Variants in MRE11 observed in about 807,000 individuals in gnomAD.
The protein encoded by MRE11 is double-strand break repair protein MRE11.
In MRE11, 62 loss-of-function variants were observed where a neutral mutation model predicts 91.7. That is an observed-to-expected ratio of 0.68 (90% confidence interval 0.55 to 0.84). The LOEUF is 0.84. Ranked by LOEUF, MRE11 falls within the 40% of genes least tolerant of loss-of-function variation. The probability of loss-of-function intolerance (pLI) is 0.00; values close to 1 mark genes in which losing one functional copy is unlikely to be tolerated. For missense variants in MRE11, 796 were observed against 852.9 expected, an observed-to-expected ratio of 0.93 and a Z score of 0.83; for synonymous variants, 273 against 271.4, an observed-to-expected ratio of 1.01 and a Z score of -0.06.
At chr11:94,471,369 T>C (rs777880991) in intron 8 of MRE11, among the ~76,000 whole-genome samples, 6 of 152,008 alleles carry the variant, frequency 3.9e-5, no homozygotes, top group Non-Finnish European at 5.9e-5. Context: ...ATAACACCAA[T>C]TGGATGCTCT....
At chr11:94,447,513 G>T in intron 14 of MRE11, 75 bp from the exon 15 acceptor site, 1 of 1,367,868 alleles carries the variant, frequency 7.3e-7, no homozygotes, top group Non-Finnish European at 1.0e-6. Context: ...TTTAGGCATT[G>T]ACATGAACTA....
intron 18 of MRE11, 80 bp from the exon 19 acceptor site, chr11:94,430,066 T>A: frequency 7.6e-7 from 1 of 1,315,704 alleles, no homozygotes; most frequent in Non-Finnish European, 1.1e-6. Flanking sequence ...AGTTTTTCAA[T>A]CCAGCAGCTG....
chr11:94,490,706 A>T, intron 3 of MRE11, 127 bp downstream of exon 3: 1 of 1,050,272 alleles, frequency 9.5e-7, no homozygotes, highest in Non-Finnish European at 1.5e-6. Context: ...AGCTTTCAGT[A>T]TATTGATATT....
chr11:94,471,807 C>A, intron 7 of MRE11, 48 bp from the exon 8 acceptor site: 1 of 1,440,488 alleles, frequency 6.9e-7, no homozygotes, highest in South Asian at 1.2e-5. Flanking sequence ...AGAAAAATTT[C>A]ATATTATTGA....
intron 15 of MRE11, 58 bp from the exon 16 acceptor site, chr11:94,445,951 TACA>T (rs1172819970): frequency 8.1e-7 from 1 of 1,230,518 alleles, no homozygotes; most frequent in African/African-American, 1.5e-5. Flanking sequence ...GTTTATTTCA[TACA>T]ACACTAAAAA....
At chr11:94,439,336 A>C (rs1403750436) in intron 16 of MRE11, among the ~76,000 whole-genome samples, 1 of 152,222 alleles carries the variant, frequency 6.6e-6, no homozygotes, top group Non-Finnish European at 1.5e-5. Flanking sequence ...ATTTATACTT[A>C]AAAAATCAGT....
chr11:94,492,470 A>T (rs1480527883), intron 2 of MRE11, among the ~76,000 whole-genome samples: 1 of 152,252 alleles, frequency 6.6e-6, no homozygotes, highest in African/African-American at 2.4e-5. Context: ...ATTGACTAAT[A>T]AGAATTTGTC....
At chr11:94,455,703 T>G (rs970563279) in intron 14 of MRE11, among the ~76,000 whole-genome samples, 1 of 152,210 alleles carries the variant, frequency 6.6e-6, no homozygotes, top group African/African-American at 2.4e-5. Flanking sequence ...TATTTGCCCA[T>G]GCTTGCTTAC....
intron 3 of MRE11, among the ~76,000 whole-genome samples, chr11:94,488,310 C>T (rs1285717584): frequency 1.3e-5 from 2 of 152,134 alleles, no homozygotes; most frequent in Non-Finnish European, 2.9e-5. Context: ...AGAACAGATG[C>T]TGGTGAAATT....
At chr11:94,454,665 CT>C (rs1218467922) in intron 14 of MRE11, among the ~76,000 whole-genome samples, 2 of 152,128 alleles carry the variant, frequency 1.3e-5, no homozygotes, top group Non-Finnish European at 2.9e-5. Flanking sequence ...TAAGTTATTT[CT>C]TCTGTAAAAC....
intron 16 of MRE11, among the ~76,000 whole-genome samples, chr11:94,439,950 T>TAC (rs766897251): frequency 2.0e-5 from 3 of 152,228 alleles, no homozygotes. Flanking sequence ...AACAAGCATC[T>TAC]ACTATGTTAT....
At position 94,493,371 on chromosome 11, in the gene MRE11, C is replaced by G. The variant is rs1282981289; in HGVS notation, c.-106+420G>C. ...AAAGGGAACGGGCCCGCGTTTAAAG[C>G]GAGTGTAAATAAACAAACACGTGGT... On this transcript the variant is annotated intron_variant, in intron 1 of 19. Transcript: ENST00000323929. Among the ~76,000 whole-genome samples the G allele has an allele frequency of 3.9e-5, 6 of 152,200 alleles. No homozygotes were observed. The East Asian group carries it at 1.2e-3, about 29-fold the overall frequency.
At chr11:94,487,678 T>A (rs1444477011) in intron 3 of MRE11, among the ~76,000 whole-genome samples, 3 of 152,158 alleles carry the variant, frequency 2.0e-5, no homozygotes, top group Admixed American at 6.5e-5. Flanking sequence ...CAATACTAAT[T>A]TTCTGGTTTT....
At chr11:94,453,612 C>T (rs1029584110) in intron 14 of MRE11, among the ~76,000 whole-genome samples, 2 of 152,126 alleles carry the variant, frequency 1.3e-5, no homozygotes, top group African/African-American at 2.4e-5. Context: ...TGTAAAGCTT[C>T]TTTGGAGAAA....
the MRE11 span, among the ~76,000 whole-genome samples, chr11:94,505,695 T>G: frequency 2.0e-5 from 3 of 152,142 alleles, no homozygotes; most frequent in Non-Finnish European, 4.4e-5. Flanking sequence ...GTTGATAAAG[T>G]CTATAGTAGC....
At chr11:94,493,430 G>T (rs774013273) in intron 1 of MRE11, among the ~76,000 whole-genome samples, 1 of 152,186 alleles carries the variant, frequency 6.6e-6, no homozygotes, top group Non-Finnish European at 1.5e-5. Context: ...CCAGCAGGAT[G>T]ACTGAAAATA....
intron 16 of MRE11, among the ~76,000 whole-genome samples, chr11:94,438,114 C>T (rs1422896170): frequency 2.6e-5 from 4 of 151,976 alleles, no homozygotes; most frequent in Admixed American, 6.6e-5. Context: ...GGCAACAGAG[C>T]GAAACTCCGT....
intron 18 of MRE11, among the ~76,000 whole-genome samples, chr11:94,434,803 T>A (rs1250514793): frequency 2.0e-5 from 3 of 152,194 alleles, no homozygotes; most frequent in Non-Finnish European, 4.4e-5. Context: ...TGAATTCAAA[T>A]ATGTTCATTT....
chr11:94,485,853 G>A, intron 4 of MRE11, 71 bp downstream of exon 4: 1 of 1,422,548 alleles, frequency 7.0e-7, no homozygotes. Flanking sequence ...AAACAGTTGT[G>A]TGTTTACGTG....
Sources: gnomAD v4.1 joint callset for allele counts (sites outside exome capture counted in the v4.1 genomes callset) on GRCh38, gnomAD v4.1.1 for gene constraint, MANE v1.5 for transcripts, NCBI Gene and HGNC (gene_info 2026-07-23, HGNC 2026-07-21) for gene names.